The following ZMYM2 variants were observed in gnomAD, a reference collection of about 807,000 sequenced individuals.
ZMYM2 encodes zinc finger MYM-type containing 2.
ZMYM2 carries 56 observed loss-of-function variants against 162.8 expected under a neutral mutation model. The observed-to-expected ratio is 0.34, with a 90% CI of 0.28 to 0.43. The LOEUF is 0.43. ZMYM2 is among the 20% of genes least tolerant of loss of function. ZMYM2 has a pLI of 1.00. For synonymous variants in ZMYM2, 510 were observed against 541.6 expected (o/e 0.94, Z 0.81); for missense variants, 1,275 against 1,621.8 (o/e 0.79, Z 3.67).
At chr13:19,915,324 G>C in the ZMYM2 span, among the ~76,000 whole-genome samples, 1 of 151,860 alleles carries the variant, frequency 6.6e-6, no homozygotes, top group African/African-American at 2.4e-5. Context: ...TGAACACCTG[G>C]TCTCAAGCGA....
chr13:19,921,653 A>G, the ZMYM2 span, among the ~76,000 whole-genome samples: 1 of 152,226 alleles, frequency 6.6e-6, no homozygotes, highest in African/African-American at 2.4e-5. Context: ...CCTCAAAATT[A>G]TAAACATATT....
the ZMYM2 span, among the ~76,000 whole-genome samples, chr13:19,896,790 G>A: frequency 2.7e-5 from 4 of 150,192 alleles, no homozygotes; most frequent in African/African-American, 9.8e-5. Context: ...AAAAAGAATG[G>A]AATCCACTGG....
chr13:19,894,525 A>G, the ZMYM2 span, among the ~76,000 whole-genome samples: 1 of 152,000 alleles, frequency 6.6e-6, no homozygotes, highest in Admixed American at 6.5e-5. Context: ...TTGTATTTTC[A>G]GTAGAGATGG....
chr13:19,973,237 A>G (rs1303283005), intron 2 of ZMYM2, among the ~76,000 whole-genome samples: 1 of 152,066 alleles, frequency 6.6e-6, no homozygotes, highest in Non-Finnish European at 1.5e-5. Context: ...GCGCCCAGCT[A>G]CAAGTATATA....
Position 20,085,969 on chromosome 13 carries a change from T to C in ZMYM2, c.4089T>C (p.Asp1363=). 1 of 1,613,696 alleles carries C rather than the reference T, an allele frequency of 6.2e-7. No homozygotes were observed. The highest frequency in any genetic ancestry group is 1.7e-5 in the Admixed American group (1 of 60,010). ...TTGTACGGGTTCTTCTAGTAAAAGA[T>C]ATTTATGATAAAGACAATTATGAAC... ...NMLVRVLLVK[D]IYDKDNYELD... is the part of the protein sequence containing the mutation. Residue 1363 remains aspartate (D), a synonymous_variant, in exon 25 of 25, where the codon GAT becomes GAC. Coordinates refer to ENST00000610343, the MANE Select transcript of ZMYM2 (RefSeq NM_197968.4).
At chr13:20,020,679 T>C (rs1952007811) in intron 7 of ZMYM2, among the ~76,000 whole-genome samples, 1 of 152,262 alleles carries the variant, frequency 6.6e-6, no homozygotes, top group African/African-American at 2.4e-5. Context: ...TGTACTGTTT[T>C]GTATTTATTT....
intron 12 of ZMYM2, among the ~76,000 whole-genome samples, chr13:20,039,403 G>T (rs757741264): frequency 6.6e-6 from 1 of 151,748 alleles, no homozygotes; most frequent in African/African-American, 2.4e-5. Context: ...TATGATGTTC[G>T]CTGTGTGTTT....
chr13:19,931,326 T>C, the ZMYM2 span, among the ~76,000 whole-genome samples: 1 of 152,236 alleles, frequency 6.6e-6, no homozygotes, highest in South Asian at 2.1e-4. Context: ...ATCCCTTCTT[T>C]CTAGCTAACT....
the ZMYM2 span, among the ~76,000 whole-genome samples, chr13:19,883,833 G>A: frequency 6.6e-6 from 1 of 151,968 alleles, no homozygotes; most frequent in African/African-American, 2.4e-5. Flanking sequence ...CTCGCCTCAC[G>A]GCAACCCCCA....
chr13:20,018,375 A>G lies in ZMYM2; in HGVS notation c.1513-1172A>G, dbSNP rs368434130. 4.6e-5 allele frequency among the ~76,000 whole-genome samples: 7 copies of G among 152,334 alleles called. No homozygotes were observed. The South Asian group carries it at 1.5e-3, about 32-fold the overall frequency. ...GTCCATGCCTTACTATTTTACTGATAAAGAGACCCAATTGGATGTGTTTGG... is the reference window on the plus strand; with the variant it reads ...GTCCATGCCTTACTATTTTACTGATGAAGAGACCCAATTGGATGTGTTTGG... On this transcript the variant is annotated intron_variant, in intron 6 of 24. Transcript: ENST00000610343.
At chr13:20,000,711 C>T (rs1566262181) in intron 3 of ZMYM2, among the ~76,000 whole-genome samples, 1 of 152,212 alleles carries the variant, frequency 6.6e-6, no homozygotes, top group Non-Finnish European at 1.5e-5. Flanking sequence ...TCCAAGAGCT[C>T]TGATGGAGAT....
chr13:19,938,366 G>A, the ZMYM2 span, among the ~76,000 whole-genome samples: 2 of 152,050 alleles, frequency 1.3e-5, no homozygotes, highest in African/African-American at 4.8e-5. Flanking sequence ...AAAATTAGCC[G>A]GGCGTGATGG....
chr13:19,907,801 A>C, the ZMYM2 span, among the ~76,000 whole-genome samples: 3 of 140,094 alleles, frequency 2.1e-5, no homozygotes, highest in African/African-American at 7.7e-5. Context: ...GTCTATTTTT[A>C]AGACTTTATA....
At chr13:19,899,836 A>AAAAAAAAG in the ZMYM2 span, among the ~76,000 whole-genome samples, 7 of 120,904 alleles carry the variant, frequency 5.8e-5, no homozygotes, top group African/African-American at 1.2e-4. Flanking sequence ...AAAAAAAAAA[A>AAAAAAAAG]AAGGAAAACA....
At chr13:20,022,491 C>T (rs1378699871) in intron 7 of ZMYM2, among the ~76,000 whole-genome samples, 1 of 152,090 alleles carries the variant, frequency 6.6e-6, no homozygotes, top group Non-Finnish European at 1.5e-5. Context: ...CTATTTTTCC[C>T]TCTGTATCTG....
At chr13:19,995,228 T>C (rs1245093104) in intron 3 of ZMYM2, among the ~76,000 whole-genome samples, 1 of 152,138 alleles carries the variant, frequency 6.6e-6, no homozygotes, top group Non-Finnish European at 1.5e-5. Context: ...TTTTTTCTTT[T>C]CTAAAACTAC....
upstream of ZMYM2, among the ~76,000 whole-genome samples, chr13:19,957,775 G>T (rs539742694): frequency 4.1e-3 from 625 of 152,350 alleles, 1 homozygote; most frequent in Non-Finnish European, 6.4e-3. Flanking sequence ...CCCAGGGCAG[G>T]CCTCAGCCCC....
At chr13:19,872,279 G>A in the ZMYM2 span, among the ~76,000 whole-genome samples, 2 of 152,080 alleles carry the variant, frequency 1.3e-5, no homozygotes, top group African/African-American at 4.8e-5. Context: ...GGCTAGGCAC[G>A]GTGGCTCATG....
the ZMYM2 span, among the ~76,000 whole-genome samples, chr13:19,926,400 G>A: frequency 8.0e-6 from 1 of 124,808 alleles, no homozygotes; most frequent in Non-Finnish European, 1.6e-5. Flanking sequence ...GTCTCATTCT[G>A]TCGCCCAGGC....
Sources: gnomAD v4.1 joint callset for allele counts (sites outside exome capture counted in the v4.1 genomes callset) on GRCh38, gnomAD v4.1.1 for gene constraint, MANE v1.5 for transcripts, NCBI Gene and HGNC (gene_info 2026-07-23, HGNC 2026-07-21) for gene names.